CDH13: variants seen among roughly 807,000 people sequenced by gnomAD.
CDH13 encodes the protein cadherin-13.
A neutral mutation model predicts 63.8 loss-of-function variants in CDH13; 24 were observed. The ratio of observed to expected loss-of-function variants is 0.38; its 90% CI spans 0.27 to 0.53. The LOEUF (loss-of-function observed/expected upper bound fraction) is 0.53, where lower values mean the gene tolerates loss of function less well. Among genes scored for constraint, CDH13 ranks in the 20% least tolerant of loss-of-function variants. CDH13 has a pLI of 0.85. For synonymous variants in CDH13, 503 were observed against 355.3 expected, an observed-to-expected ratio of 1.42 and a Z score of -4.67; for missense variants, 1,049 against 903.1, an observed-to-expected ratio of 1.16 and a Z score of -2.07.
chr16:82,674,603 G>A (rs1005943671), intron 1 of CDH13, among the ~76,000 whole-genome samples: 2 of 152,188 alleles, frequency 1.3e-5, no homozygotes, highest in Non-Finnish European at 2.9e-5. Flanking sequence ...GAAACCAGAA[G>A]AGAGATCTCC....
chr16:83,570,033 C>A (rs1904427856), intron 7 of CDH13, among the ~76,000 whole-genome samples: 1 of 152,152 alleles, frequency 6.6e-6, no homozygotes, highest in Non-Finnish European at 1.5e-5. Context: ...CCGTGCCCAG[C>A]CAGGAGCCAG....
chr16:83,063,318 C>G (rs1193180396), intron 3 of CDH13, among the ~76,000 whole-genome samples: 1 of 152,148 alleles, frequency 6.6e-6, no homozygotes, highest in African/African-American at 2.4e-5. Context: ...AGCTATGGCT[C>G]TCTTGAGGCC....
At chr16:83,663,722 C>G (rs890572020) in intron 8 of CDH13, among the ~76,000 whole-genome samples, 16 of 152,136 alleles carry the variant, frequency 1.1e-4, no homozygotes, top group African/African-American at 3.9e-4. Flanking sequence ...TCTTTCTGTT[C>G]ATGGTTACTG....
At chr16:83,531,743 C>G (rs1483036515) in intron 7 of CDH13, among the ~76,000 whole-genome samples, 3 of 152,196 alleles carry the variant, frequency 2.0e-5, no homozygotes, top group Non-Finnish European at 4.4e-5. Context: ...AATATACATT[C>G]TCTCCCGGAG....
rs1276418127 is a variant in CDH13 at position 82,686,753 on chromosome 16, A to G, written c.45+59616A>G. On this transcript the variant is annotated intron_variant, in intron 1 of 13. Transcript: ENST00000567109. ...CTTGATGCACAGGGGAAATAGAGTG[A>G]TCAAGAAGAGCCTTTATAAATGAGA... 1.2e-4 allele frequency among the ~76,000 whole-genome samples: 18 copies of G among 152,298 alleles called. 1 individual carries two copies. In the South Asian group the frequency reaches 3.1e-3, roughly 26 times the overall value.
intron 5 of CDH13, among the ~76,000 whole-genome samples, chr16:83,324,763 T>C (rs1313717760): frequency 6.6e-6 from 1 of 152,244 alleles, no homozygotes; most frequent in Non-Finnish European, 1.5e-5. Context: ...GCTATTTGTC[T>C]AGGAGTGGAA....
intron 5 of CDH13, among the ~76,000 whole-genome samples, chr16:83,328,690 G>GCTA (rs1429059156): frequency 6.6e-6 from 1 of 152,174 alleles, no homozygotes; most frequent in Non-Finnish European, 1.5e-5. Context: ...GCTGATGGAA[G>GCTA]CAGCTGATGG....
chr16:82,777,097 T>A (rs2035534708), intron 1 of CDH13, among the ~76,000 whole-genome samples: 1 of 152,148 alleles, frequency 6.6e-6, no homozygotes, highest in Non-Finnish European at 1.5e-5. Context: ...AGACATACAC[T>A]ACCACACCTG....
intron 6 of CDH13, among the ~76,000 whole-genome samples, chr16:83,473,277 C>T (rs1466972513): frequency 2.6e-5 from 4 of 152,246 alleles, no homozygotes. Context: ...CAGCTTGCAA[C>T]ATCACCATGT....
At chr16:83,121,882 C>G (rs1411391566) in intron 3 of CDH13, among the ~76,000 whole-genome samples, 1 of 152,006 alleles carries the variant, frequency 6.6e-6, no homozygotes, top group Admixed American at 6.6e-5. Flanking sequence ...AAGAGAATGG[C>G]TATTTATAGA....
At chr16:82,684,179 C>T (rs533450573) in intron 1 of CDH13, among the ~76,000 whole-genome samples, 1 of 152,326 alleles carries the variant, frequency 6.6e-6, no homozygotes, top group South Asian at 2.1e-4. Context: ...GTTTTGACAC[C>T]TGAAGACATC....
chr16:83,517,079 G>T (rs2074713778), intron 7 of CDH13, among the ~76,000 whole-genome samples: 2 of 152,150 alleles, frequency 1.3e-5, no homozygotes, highest in African/African-American at 4.8e-5. Context: ...TCTGGCAAAG[G>T]GAAATATGAA....
At chr16:82,952,419 A>G (rs867940822) in intron 2 of CDH13, among the ~76,000 whole-genome samples, 13 of 152,210 alleles carry the variant, frequency 8.5e-5, no homozygotes, top group African/African-American at 2.7e-4. Context: ...TAAGCTTTCA[A>G]TGAGTGTTGG....
chr16:83,734,800 G>A (rs1266709695), intron 10 of CDH13, among the ~76,000 whole-genome samples: 5 of 151,482 alleles, frequency 3.3e-5, no homozygotes, highest in East Asian at 1.9e-4. Flanking sequence ...TGGTCAGTAG[G>A]AAGCAGGTGG....
intron 3 of CDH13, among the ~76,000 whole-genome samples, chr16:83,077,186 CTTTTTTTT>C (rs34536219): frequency 0.015 from 894 of 59,212 alleles, 10 homozygotes; most frequent in African/African-American, 0.054. Context: ...TTTTTCTTTT[CTTTTTTTT>C]TTTTTTTTTT....
chr16:83,201,317 A>C (rs1266374512), intron 4 of CDH13, among the ~76,000 whole-genome samples: 1 of 152,212 alleles, frequency 6.6e-6, no homozygotes, highest in Admixed American at 6.5e-5. Flanking sequence ...CAACAGATAT[A>C]AATATGTCAG....
intron 5 of CDH13, among the ~76,000 whole-genome samples, chr16:83,275,238 C>G (rs1352576545): frequency 6.6e-6 from 1 of 152,134 alleles, no homozygotes; most frequent in East Asian, 1.9e-4. Context: ...GGCCACATAA[C>G]TTGAGATAAT....
At chr16:83,411,111 T>C (rs1425044524) in intron 6 of CDH13, among the ~76,000 whole-genome samples, 2 of 152,188 alleles carry the variant, frequency 1.3e-5, no homozygotes, top group African/African-American at 4.8e-5. Flanking sequence ...TCCAGACAGA[T>C]AGGGTTCTTT....
intron 2 of CDH13, among the ~76,000 whole-genome samples, chr16:83,004,911 G>A (rs1441504936): frequency 1.3e-5 from 2 of 152,208 alleles, no homozygotes; most frequent in Non-Finnish European, 2.9e-5. Flanking sequence ...GTCATCCCCA[G>A]GGTGGTATCC....
Sources: allele counts gnomAD v4.1 joint callset (sites outside exome capture counted in the v4.1 genomes callset), GRCh38; gene constraint gnomAD v4.1.1; transcripts MANE v1.5; gene names NCBI Gene and HGNC (gene_info 2026-07-23, HGNC 2026-07-21).